The following SCFD2 variants were observed in gnomAD, a reference collection of about 807,000 sequenced individuals.
The protein encoded by SCFD2 is sec1 family domain containing 2, also known as sec1 family domain-containing protein 2.
SCFD2 carries 54 observed loss-of-function variants against 58.9 expected under a neutral mutation model. The ratio of observed to expected loss-of-function variants is 0.92; its 90% confidence interval spans 0.74 to 1.15. The LOEUF is 1.15. Ranked by LOEUF, SCFD2 falls within the 50% of genes most tolerant of loss-of-function variation. The probability of loss-of-function intolerance (pLI) is 0.00; values close to 1 mark genes in which losing one functional copy is unlikely to be tolerated. For missense variants in SCFD2, 805 were observed against 836.6 expected (o/e 0.96, Z 0.47); for synonymous variants, 321 against 335.9 (o/e 0.96, Z 0.49).
At chr4:53,183,558 C>T (rs559380087) in intron 4 of SCFD2, among the ~76,000 whole-genome samples, 11 of 151,686 alleles carry the variant, frequency 7.3e-5, no homozygotes, top group Non-Finnish European at 1.5e-4. Context: ...TACTAAATGG[C>T]GAGTTAATGG....
chr4:53,212,302 C>A (rs1728638858), intron 4 of SCFD2, among the ~76,000 whole-genome samples: 2 of 151,904 alleles, frequency 1.3e-5, no homozygotes, highest in African/African-American at 4.8e-5. Context: ...CAAAACAACA[C>A]CAAATGTGGA....
intron 2 of SCFD2, among the ~76,000 whole-genome samples, chr4:53,330,966 C>T (rs1429150214): frequency 6.6e-6 from 1 of 151,078 alleles, no homozygotes; most frequent in African/African-American, 2.4e-5. Context: ...ATAAAACAGA[C>T]TTTAAACCAA....
chr4:53,246,914 T>C (rs967885415), intron 4 of SCFD2, among the ~76,000 whole-genome samples: 2 of 143,706 alleles, frequency 1.4e-5, no homozygotes, highest in Non-Finnish European at 3.0e-5. Flanking sequence ...ACATACAGCC[T>C]ACAGAATGGA....
intron 3 of SCFD2, among the ~76,000 whole-genome samples, chr4:53,281,169 A>C (rs1156775755): frequency 5.3e-5 from 8 of 152,240 alleles, no homozygotes; most frequent in Non-Finnish European, 7.3e-5. Flanking sequence ...AGCTACTGTA[A>C]ACTCTTTTGC....
intron 7 of SCFD2, among the ~76,000 whole-genome samples, chr4:52,890,794 T>C (rs1718862186): frequency 2.0e-5 from 3 of 152,142 alleles, no homozygotes; most frequent in African/African-American, 7.2e-5. Context: ...CCTTTTGAGG[T>C]GTGCGCCCCT....
At chr4:53,221,461 T>C (rs1236349403) in intron 4 of SCFD2, among the ~76,000 whole-genome samples, 1 of 152,222 alleles carries the variant, frequency 6.6e-6, no homozygotes, top group East Asian at 1.9e-4. Context: ...AAAACCCCAC[T>C]GAGTTCAAAT....
At chr4:52,893,828 T>G (rs1195113015) in intron 7 of SCFD2, among the ~76,000 whole-genome samples, 1 of 152,248 alleles carries the variant, frequency 6.6e-6, no homozygotes, top group Non-Finnish European at 1.5e-5. Context: ...AGAATGGGTC[T>G]CACAGAACTG....
At chr4:53,333,199 A>AT (rs1224834794) in intron 2 of SCFD2, among the ~76,000 whole-genome samples, 19 of 142,598 alleles carry the variant, frequency 1.3e-4, no homozygotes, top group African/African-American at 4.4e-4. Context: ...ATTCAATGCC[A>AT]TCCCCATCAA....
In SCFD2 at chr4:53,182,458, C is replaced by T. The variant is rs536617176; in HGVS notation, c.1312-36876G>A. Among the ~76,000 whole-genome samples, 631 of 152,104 alleles carry T rather than the reference C, an allele frequency of 4.1e-3. 3 individuals carry two copies. Among genetic ancestry groups the T allele is most frequent in the Non-Finnish European group, 5.9e-3 (398 of 67,964 alleles). On this transcript the variant is annotated intron_variant, in intron 4 of 8. Coordinates refer to ENST00000401642, the MANE Select transcript of SCFD2 (RefSeq NM_152540.4). The stretch of plus-strand genomic sequence containing the variant: ...GAAAACTGGCTAGCCATATGCAGAA[C>T]GCTGAAACTGGATCCCTTCCTTACA...
intron 5 of SCFD2, among the ~76,000 whole-genome samples, chr4:52,986,735 G>A (rs537581432): frequency 6.6e-6 from 1 of 152,034 alleles, no homozygotes; most frequent in East Asian, 1.9e-4. Flanking sequence ...TCCTGACCTC[G>A]TGATCCACCC....
chr4:52,998,443 G>A (rs147845949), intron 5 of SCFD2, among the ~76,000 whole-genome samples: 39 of 152,336 alleles, frequency 2.6e-4, no homozygotes, highest in African/African-American at 7.9e-4. Context: ...ATATTCAGCC[G>A]TCAGAGTATG....
chr4:53,353,724 CT>C (rs1319217141), intron 1 of SCFD2, among the ~76,000 whole-genome samples: 1 of 150,734 alleles, frequency 6.6e-6, no homozygotes, highest in Non-Finnish European at 1.5e-5. Flanking sequence ...ACTAGATTAG[CT>C]AGACACAGAG....
intron 1 of SCFD2, among the ~76,000 whole-genome samples, chr4:53,364,018 A>T (rs1320855693): frequency 6.6e-6 from 1 of 152,180 alleles, no homozygotes; most frequent in Non-Finnish European, 1.5e-5. Flanking sequence ...ACAGTAATAT[A>T]TAGCATCCAC....
chr4:53,011,300 A>G (rs1485789030), intron 5 of SCFD2, among the ~76,000 whole-genome samples: 1 of 152,122 alleles, frequency 6.6e-6, no homozygotes, highest in Non-Finnish European at 1.5e-5. Context: ...TAATAATACC[A>G]GTAAATAGCT....
intron 5 of SCFD2, among the ~76,000 whole-genome samples, chr4:52,941,263 T>C (rs910329867): frequency 2.0e-5 from 3 of 152,210 alleles, no homozygotes; most frequent in Admixed American, 6.5e-5. Flanking sequence ...ACCTGTTTCA[T>C]GGCTCTTATA....
At chr4:53,212,292 C>G (rs1728638396) in intron 4 of SCFD2, among the ~76,000 whole-genome samples, 1 of 151,810 alleles carries the variant, frequency 6.6e-6, no homozygotes, top group South Asian at 2.1e-4. Flanking sequence ...TTCCAAAAGT[C>G]AAAACAACAC....
Position 53,243,710 on chromosome 4 carries a change from G to GA in SCFD2, c.1311+30115dup, listed in dbSNP as rs958840049. Reference sequence around the variant, plus strand: ...AAGCTGGAAAGAAAAAAAAAAGAGAGAAAAAAAAGAACCAGTGGTATGCTG... The same window carrying GA: ...AAGCTGGAAAGAAAAAAAAAAGAGAGAAAAAAAAAGAACCAGTGGTATGCTG... On this transcript the variant is annotated intron_variant, in intron 4 of 8. Transcript: ENST00000401642. Among the ~76,000 whole-genome samples, 18 of 151,266 alleles carry GA rather than the reference G, an allele frequency of 1.2e-4. 1 individual carries two copies. The highest frequency in any genetic ancestry group is 8.3e-4 in the South Asian group (4 of 4,800).
chr4:53,220,928 C>T (rs563194283), intron 4 of SCFD2, among the ~76,000 whole-genome samples: 11 of 152,328 alleles, frequency 7.2e-5, no homozygotes, highest in African/African-American at 1.9e-4. Context: ...AAATTTGCTA[C>T]ACTGGAAGTG....
At chr4:53,143,739 T>C (rs1231105309) in intron 5 of SCFD2, among the ~76,000 whole-genome samples, 2 of 151,914 alleles carry the variant, frequency 1.3e-5, no homozygotes, top group East Asian at 3.9e-4. Flanking sequence ...ATGGAGGATA[T>C]ATAAGCGGCC....
Sources: allele counts gnomAD v4.1 joint callset (sites outside exome capture counted in the v4.1 genomes callset), GRCh38; gene constraint gnomAD v4.1.1; transcripts MANE v1.5; gene names NCBI Gene and HGNC (gene_info 2026-07-23, HGNC 2026-07-21).